The following MSI2 variants were observed in gnomAD, a reference collection of about 807,000 sequenced individuals.
MSI2 encodes the protein RNA-binding protein Musashi homolog 2.
A neutral mutation model predicts 45.6 loss-of-function variants in MSI2; 17 were observed. That is an observed-to-expected ratio of 0.37 (90% CI 0.26 to 0.56). MSI2 has a LOEUF of 0.56. Among genes scored for constraint, MSI2 ranks in the 20% least tolerant of loss-of-function variants. The pLI is 0.77. For missense variants in MSI2, 293 were observed against 444.2 expected, an observed-to-expected ratio of 0.66 and a Z score of 3.06; for synonymous variants, 156 against 158.2, an observed-to-expected ratio of 0.99 and a Z score of 0.11.
chr17:57,669,940 G>A (rs1912661312), intron 11 of MSI2, among the ~76,000 whole-genome samples: 1 of 152,188 alleles, frequency 6.6e-6, no homozygotes, highest in Non-Finnish European at 1.5e-5. Flanking sequence ...AATTCACAAA[G>A]CAGATGACTG....
At chr17:57,634,076 A>C (rs561005939) in intron 10 of MSI2, among the ~76,000 whole-genome samples, 17 of 152,352 alleles carry the variant, frequency 1.1e-4, no homozygotes, top group African/African-American at 3.1e-4. Context: ...GACATGAATA[A>C]GACTGACTCC....
intron 7 of MSI2, among the ~76,000 whole-genome samples, chr17:57,575,944 CAAA>C (rs34036311): frequency 6.5e-3 from 419 of 64,406 alleles, no homozygotes; most frequent in African/African-American, 0.017. Flanking sequence ...GACTCCGTCT[CAAA>C]AAAAAAAAAA....
chr17:57,509,136 T>C lies in MSI2; in HGVS notation c.406-20540T>C, dbSNP rs546643781. Among the ~76,000 whole-genome samples the C allele has an allele frequency of 3.3e-5, 5 of 152,264 alleles. No homozygotes were observed. In the South Asian group the frequency reaches 8.3e-4, roughly 25 times the overall value. On this transcript the variant is annotated intron_variant, in intron 6 of 13. Transcript: ENST00000284073. ...TAATGAGCTGACATTTGAAAACTGC[T>C]TGGGAGACGAATTGGAAGTGCTAAG...
intron 5 of MSI2, among the ~76,000 whole-genome samples, chr17:57,270,400 TCTGCTAAGCCTTG>T (rs1159705103): frequency 6.6e-6 from 1 of 152,248 alleles, no homozygotes; most frequent in Non-Finnish European, 1.5e-5. Flanking sequence ...TGTTCTCCTC[TCTGCTAAGCCTTG>T]CTGCATCCAA....
At chr17:57,472,339 T>C (rs1055187283) in intron 6 of MSI2, among the ~76,000 whole-genome samples, 2 of 152,118 alleles carry the variant, frequency 1.3e-5, no homozygotes, top group Non-Finnish European at 2.9e-5. Flanking sequence ...GCTCAGGGGC[T>C]GTGGCCCTGC....
chr17:57,699,044 AGTGTGTGTGT>A, the MSI2 span, among the ~76,000 whole-genome samples: 3 of 8,450 alleles, frequency 3.6e-4, no homozygotes, highest in Non-Finnish European at 4.4e-4. Flanking sequence ...AGAGAGAGAG[AGTGTGTGTGT>A]GTGTGTGTGT....
At chr17:57,457,400 T>A (rs1315927813) in intron 6 of MSI2, among the ~76,000 whole-genome samples, 1 of 152,224 alleles carries the variant, frequency 6.6e-6, no homozygotes, top group East Asian at 1.9e-4. Flanking sequence ...GCAGGACTTC[T>A]CAGAGCATTT....
chr17:57,647,957 G>T (rs4793884), intron 10 of MSI2, among the ~76,000 whole-genome samples: 93,027 of 150,010 alleles, frequency 0.62, 28,935 homozygotes, highest in Middle Eastern at 0.66. Context: ...GTGTTTGTTG[G>T]TTTGTTTGTT....
At chr17:57,623,423 T>C (rs868313011) in intron 9 of MSI2, among the ~76,000 whole-genome samples, 85 of 152,284 alleles carry the variant, frequency 5.6e-4, no homozygotes, top group African/African-American at 2.0e-3. Context: ...AGCAAAGATC[T>C]AGAACCAGAA....
chr17:57,328,360 C>A (rs1339863263), intron 5 of MSI2, among the ~76,000 whole-genome samples: 1 of 152,092 alleles, frequency 6.6e-6, no homozygotes, highest in Admixed American at 6.5e-5. Context: ...CATCCTTCAT[C>A]CATCAATCCA....
chr17:57,517,319 A>G (rs958400024), intron 6 of MSI2, among the ~76,000 whole-genome samples: 6 of 151,774 alleles, frequency 4.0e-5, no homozygotes, highest in Admixed American at 2.0e-4. Flanking sequence ...CCATGAAGAA[A>G]CTCTGGGGCT....
At chr17:57,654,212 A>T (rs917462323) in intron 11 of MSI2, among the ~76,000 whole-genome samples, 12 of 152,224 alleles carry the variant, frequency 7.9e-5, no homozygotes, top group African/African-American at 2.9e-4. Flanking sequence ...AGGGTGTGTC[A>T]GGGGCTTGGG....
At chr17:57,544,144 A>T (rs1468046416) in intron 7 of MSI2, among the ~76,000 whole-genome samples, 1 of 152,096 alleles carries the variant, frequency 6.6e-6, no homozygotes, top group Non-Finnish European at 1.5e-5. Flanking sequence ...TGTAGGTAGG[A>T]GGGTGCAAGG....
intron 5 of MSI2, chr17:57,267,243 C>T (rs1907885199): frequency 6.6e-6 from 1 of 152,332 alleles, no homozygotes. Flanking sequence ...CAGCGAGGAC[C>T]TGGGAGGATT....
At chr17:57,547,454 T>C (rs532046272) in intron 7 of MSI2, among the ~76,000 whole-genome samples, 1 of 151,874 alleles carries the variant, frequency 6.6e-6, no homozygotes, top group African/African-American at 2.4e-5. Context: ...TGGGTGAGGG[T>C]TGTACAGTGG....
At chr17:57,513,511 A>G (rs1228947480) in intron 6 of MSI2, among the ~76,000 whole-genome samples, 1 of 152,222 alleles carries the variant, frequency 6.6e-6, no homozygotes, top group African/African-American at 2.4e-5. Flanking sequence ...TTGTGGACAC[A>G]TGGGTCATTG....
chr17:57,617,863 G>C (rs1204424934), intron 9 of MSI2, among the ~76,000 whole-genome samples: 1 of 152,108 alleles, frequency 6.6e-6, no homozygotes, highest in African/African-American at 2.4e-5. Flanking sequence ...CTGAGGTCAG[G>C]AGTTCAAGAC....
chr17:57,388,776 C>G (rs2083729890), intron 5 of MSI2, among the ~76,000 whole-genome samples: 1 of 151,874 alleles, frequency 6.6e-6, no homozygotes, highest in Non-Finnish European at 1.5e-5. Context: ...GCCTCAGCCT[C>G]CCAAGTAGCT....
chr17:57,700,319 A>C, the MSI2 span, among the ~76,000 whole-genome samples: 1 of 152,264 alleles, frequency 6.6e-6, no homozygotes, highest in East Asian at 1.9e-4. Flanking sequence ...AACCTGAATT[A>C]GCTCAGCTAT....
Sources: allele counts gnomAD v4.1 joint callset (sites outside exome capture counted in the v4.1 genomes callset), GRCh38; gene constraint gnomAD v4.1.1; transcripts MANE v1.5; gene names NCBI Gene and HGNC (gene_info 2026-07-23, HGNC 2026-07-21).